MYRIP: variants seen among roughly 807,000 people sequenced by gnomAD.
MYRIP encodes the protein rab effector MyRIP.
A neutral mutation model predicts 98.0 loss-of-function variants in MYRIP; 49 were observed. The observed-to-expected ratio is 0.50, with a 90% confidence interval of 0.40 to 0.63. The LOEUF is 0.63. MYRIP is among the 30% of genes least tolerant of loss of function. The pLI, the probability that MYRIP is intolerant of heterozygous loss-of-function variation, is 0.00. For missense variants in MYRIP, 1,004 were observed against 1,058.2 expected (o/e 0.95, Z 0.71); for synonymous variants, 404 against 409.5 (o/e 0.99, Z 0.16).
chr3:40,088,834 A>G (rs1467920279), intron 3 of MYRIP, among the ~76,000 whole-genome samples: 5 of 152,246 alleles, frequency 3.3e-5, no homozygotes, highest in Non-Finnish European at 7.3e-5. Context: ...TGGCATGCTC[A>G]GATTCATGTT....
At chr3:40,054,010 G>A (rs1171275237) in intron 3 of MYRIP, among the ~76,000 whole-genome samples, 2 of 152,208 alleles carry the variant, frequency 1.3e-5, no homozygotes, top group Middle Eastern at 3.4e-3. Context: ...TGGCACTCCC[G>A]CTAACTGTTT....
chr3:40,055,687 C>T (rs1043813484), intron 3 of MYRIP, among the ~76,000 whole-genome samples: 7 of 152,174 alleles, frequency 4.6e-5, no homozygotes, highest in Non-Finnish European at 8.8e-5. Flanking sequence ...CATTTTTCAT[C>T]TGTCCATAGC....
intron 2 of MYRIP, chr3:39,970,054 T>A (rs1265087683): frequency 6.6e-6 from 1 of 152,098 alleles, no homozygotes; most frequent in Non-Finnish European, 1.5e-5. Context: ...CTTGGGAGAG[T>A]GTGTCCAGTA....
At chr3:39,828,763 A>C (rs1021512561) in intron 1 of MYRIP, among the ~76,000 whole-genome samples, 1 of 152,196 alleles carries the variant, frequency 6.6e-6, no homozygotes, top group African/African-American at 2.4e-5. Context: ...TTTCACTTAG[A>C]ATAATAGTCT....
chr3:39,839,019 C>T (rs563093930), intron 1 of MYRIP, among the ~76,000 whole-genome samples: 32 of 151,862 alleles, frequency 2.1e-4, no homozygotes, highest in African/African-American at 7.5e-4. Flanking sequence ...ATAGTATTCT[C>T]TGATGGTCAG....
intron 3 of MYRIP, among the ~76,000 whole-genome samples, chr3:40,078,790 T>C (rs1426263271): frequency 4.6e-5 from 7 of 152,214 alleles, no homozygotes; most frequent in Non-Finnish European, 1.0e-4. Flanking sequence ...AATTGGCTTG[T>C]GCTCTGGAGA....
intron 3 of MYRIP, among the ~76,000 whole-genome samples, chr3:40,050,152 G>T (rs1244505018): frequency 1.3e-5 from 2 of 152,160 alleles, no homozygotes; most frequent in Non-Finnish European, 2.9e-5. Flanking sequence ...CTAAACAATA[G>T]ATTTCATCAA....
At chr3:39,974,455 C>CAA (rs1341079924) in intron 2 of MYRIP, among the ~76,000 whole-genome samples, 1 of 152,158 alleles carries the variant, frequency 6.6e-6, no homozygotes, top group Non-Finnish European at 1.5e-5. Context: ...GATTCACAGC[C>CAA]AAATTCTACC....
At chr3:39,876,169 C>T (rs1482488830) in intron 1 of MYRIP, among the ~76,000 whole-genome samples, 2 of 152,090 alleles carry the variant, frequency 1.3e-5, no homozygotes, top group Non-Finnish European at 2.9e-5. Flanking sequence ...GCAACCCCTG[C>T]CTTTTTTTGT....
chr3:40,193,598 G>A (rs564298625), intron 10 of MYRIP, among the ~76,000 whole-genome samples: 2 of 152,350 alleles, frequency 1.3e-5, no homozygotes, highest in East Asian at 3.9e-4. Flanking sequence ...ACTGCTGACT[G>A]GAGGAGTATA....
chr3:40,173,460 G>C (rs1171726426), intron 8 of MYRIP: 8 of 152,232 alleles, frequency 5.3e-5, no homozygotes, highest in Non-Finnish European at 1.2e-4. Flanking sequence ...GAGATGCTCT[G>C]TGTATCATTA....
chr3:40,189,198 C>T (rs538979778), intron 9 of MYRIP, among the ~76,000 whole-genome samples: 2 of 152,340 alleles, frequency 1.3e-5, no homozygotes, highest in South Asian at 2.1e-4. Context: ...CTTAACTTCG[C>T]TCATCTTCAT....
intron 8 of MYRIP, chr3:40,173,215 C>A (rs1306835158): frequency 6.6e-6 from 1 of 152,208 alleles, no homozygotes; most frequent in Non-Finnish European, 1.5e-5. Context: ...TGAGAGCACC[C>A]TGCATTATCC....
chr3:39,829,316 G>A (rs902925554), intron 1 of MYRIP, among the ~76,000 whole-genome samples: 1 of 152,116 alleles, frequency 6.6e-6, no homozygotes, highest in Admixed American at 6.5e-5. Context: ...GTGTCCTTAG[G>A]TTGATGCCTA....
chr3:40,212,863 A>G (rs1575640303), intron 11 of MYRIP, among the ~76,000 whole-genome samples: 1 of 152,146 alleles, frequency 6.6e-6, no homozygotes, highest in East Asian at 1.9e-4. Flanking sequence ...GGCTGCAGTG[A>G]CCCATGATTG....
Position 40,097,018 on chromosome 3 carries a change from G to A in MYRIP, c.332+52747G>A, listed in dbSNP as rs1948847118. 2.6e-5 allele frequency among the ~76,000 whole-genome samples: 4 copies of A among 152,182 alleles called. No homozygotes were observed. The South Asian group carries it at 8.3e-4, about 32-fold the overall frequency. On this transcript the variant is annotated intron_variant, in intron 3 of 16. Coordinates refer to ENST00000302541, the MANE Select transcript of MYRIP (RefSeq NM_015460.4). Reference sequence around the variant, plus strand: ...CAACAACTCAGTAAAAGGCTCCTCTGTTGCCATGGAGGCTTTTGACTTCTT... The same window carrying A: ...CAACAACTCAGTAAAAGGCTCCTCTATTGCCATGGAGGCTTTTGACTTCTT...
At chr3:39,964,507 T>A (rs1403449579) in intron 2 of MYRIP, among the ~76,000 whole-genome samples, 1 of 152,168 alleles carries the variant, frequency 6.6e-6, no homozygotes. Context: ...GATAAATTCT[T>A]AACACCTATC....
chr3:39,905,129 A>T (rs1943846301), intron 2 of MYRIP, among the ~76,000 whole-genome samples: 1 of 152,204 alleles, frequency 6.6e-6, no homozygotes, highest in Admixed American at 6.5e-5. Flanking sequence ...ACTCAAGTAA[A>T]TGTGTCAAAA....
intron 1 of MYRIP, among the ~76,000 whole-genome samples, chr3:39,846,250 G>A (rs193249184): frequency 1.3e-5 from 2 of 152,126 alleles, no homozygotes; most frequent in Non-Finnish European, 2.9e-5. Flanking sequence ...ATCTGCCTTG[G>A]TACCATCAGG....
Sources: allele counts gnomAD v4.1 joint callset (sites outside exome capture counted in the v4.1 genomes callset), GRCh38; gene constraint gnomAD v4.1.1; transcripts MANE v1.5; gene names NCBI Gene and HGNC (gene_info 2026-07-23, HGNC 2026-07-21).